SNRPG: variants seen among roughly 807,000 people sequenced by gnomAD.
SNRPG encodes small nuclear ribonucleoprotein polypeptide G.
Under a neutral mutation model 13.9 loss-of-function variants are expected in SNRPG, and 3 were observed. That is an observed-to-expected ratio of 0.22 (90% confidence interval 0.10 to 0.56). The LOEUF is 0.56. SNRPG is among the 20% of genes least tolerant of loss of function. The pLI is 0.93. For synonymous variants in SNRPG, 29 were observed against 29.3 expected (o/e 0.99, Z 0.03); for missense variants, 34 against 96.1 (o/e 0.35, Z 2.70).
intron 3 of SNRPG, among the ~76,000 whole-genome samples, chr2:70,286,196 G>A (rs1419556549): frequency 1.3e-5 from 2 of 152,124 alleles, no homozygotes; most frequent in South Asian, 4.1e-4. Context: ...TCGAAGTGCT[G>A]GGATTATAGA....
chr2:70,286,994 C>T (rs1307392105), intron 3 of SNRPG, among the ~76,000 whole-genome samples: 2 of 152,114 alleles, frequency 1.3e-5, no homozygotes, highest in Non-Finnish European at 2.9e-5. Context: ...AGGGAATATA[C>T]CTGAAAGACA....
At position 70,287,930 on chromosome 2, in the gene SNRPG, C is replaced by T. The variant is rs909596630; in HGVS notation, c.180+138G>A. ...GATATTACTACAGCTGAGTAACTGCCGTATGCAACTAAAAAGGAGATGGAA... is the reference window on the plus strand; with the variant it reads ...GATATTACTACAGCTGAGTAACTGCTGTATGCAACTAAAAAGGAGATGGAA... On this transcript the variant is annotated intron_variant, in intron 3 of 3. Transcript: ENST00000272348. 64 of 647,970 alleles carry T rather than the reference C, an allele frequency of 9.9e-5. 1 individual carries two copies. Among genetic ancestry groups the T allele is most frequent in the African/African-American group, 8.4e-4 (23 of 27,478 alleles). 40.1% of individuals were successfully genotyped at this position (647,970 alleles called of 1,614,324 possible). A position where few individuals can be genotyped will look rare whatever the true frequency, so the allele number is the denominator to read the frequency against.
At chr2:70,292,820 G>A (rs936422915) in intron 1 of SNRPG, 1 of 289,548 alleles carries the variant, frequency 3.5e-6, no homozygotes, top group Non-Finnish European at 6.6e-6. Flanking sequence ...TCCAGCATCA[G>A]GAAGTATAAG....
chr2:70,293,275 A>C, intron 1 of SNRPG: 1 of 698,146 alleles, frequency 1.4e-6, no homozygotes, highest in Non-Finnish European at 2.6e-6. Context: ...CTAGCCGTCT[A>C]TCTAGAACAT....
intron 3 of SNRPG, chr2:70,287,288 T>G (rs1696966409): frequency 1.4e-6 from 1 of 702,684 alleles, no homozygotes; most frequent in African/African-American, 1.7e-5. Flanking sequence ...TCTTTATGCT[T>G]AATAATTTGC....
At chr2:70,293,373 G>A (rs1011265437) in intron 1 of SNRPG, 7 of 627,732 alleles carry the variant, frequency 1.1e-5, no homozygotes, top group Non-Finnish European at 2.0e-5. Flanking sequence ...GCCAGACCGC[G>A]GGACCTGGAG....
chr2:70,293,722 C>A lies in SNRPG; in HGVS notation c.-73G>T. On this transcript the variant is annotated 5_prime_UTR_variant, in exon 1 of 4. Transcript: ENST00000272348. ...CTTTCCTCACGCTCCCGCTGTAGGC[C>A]CGGCGTCTTGCGTCTGGCGTCATCG... The A allele has an allele frequency of 6.9e-7, 1 of 1,445,942 alleles. No homozygotes were observed. Among genetic ancestry groups the A allele is most frequent in the Non-Finnish European group, 9.7e-7 (1 of 1,026,844 alleles). The allele number at this position is 1,445,942 out of a possible 1,614,324, so 89.6% of individuals were successfully genotyped here.
At chr2:70,285,616 G>A (rs1696923329) in intron 3 of SNRPG, among the ~76,000 whole-genome samples, 1 of 151,982 alleles carries the variant, frequency 6.6e-6, no homozygotes. Flanking sequence ...TTGTGCATAG[G>A]GTTCACTACT....
At chr2:70,292,048 C>G (rs749422824) in intron 1 of SNRPG, among the ~76,000 whole-genome samples, 1 of 148,796 alleles carries the variant, frequency 6.7e-6, no homozygotes, top group Admixed American at 6.7e-5. Context: ...CCCGGGTTCA[C>G]GCCATTCTCC....
intron 1 of SNRPG, among the ~76,000 whole-genome samples, chr2:70,289,582 C>T (rs750139494): frequency 1.3e-5 from 2 of 152,098 alleles, no homozygotes; most frequent in Non-Finnish European, 2.9e-5. Flanking sequence ...GGGGCTGAGG[C>T]GGGTGGACTG....
intron 1 of SNRPG, among the ~76,000 whole-genome samples, chr2:70,290,120 C>T (rs1697046558): frequency 6.6e-6 from 1 of 151,006 alleles, no homozygotes; most frequent in African/African-American, 2.4e-5. Flanking sequence ...GCTGGGATTA[C>T]ACAGGCATGA....
At chr2:70,282,812 T>C (rs1432535939) in intron 3 of SNRPG, among the ~76,000 whole-genome samples, 4 of 151,972 alleles carry the variant, frequency 2.6e-5, no homozygotes, top group Non-Finnish European at 4.4e-5. Context: ...AGAATATTTA[T>C]CGGGGGTGTG....
intron 3 of SNRPG, chr2:70,287,813 C>T: frequency 2.0e-6 from 1 of 505,866 alleles, no homozygotes; most frequent in Non-Finnish European, 3.5e-6. Context: ...GCCTCTATTG[C>T]AGAATAAAGC....
rs111768151 is a variant in SNRPG, at chr2:70,289,409, T to G, written c.33-37A>C. 2,404 of 1,160,638 alleles carry G rather than the reference T, an allele frequency of 2.1e-3. 46 individuals are homozygous for G. In the African/African-American group the frequency reaches 0.033, roughly 16 times the overall value. 71.9% of individuals were successfully genotyped at this position (1,160,638 alleles called of 1,614,324 possible). On this transcript the variant is annotated intron_variant, in intron 1 of 3. Transcript: ENST00000272348. ...AAAGGGTAAAGATTATATAACCAAT[T>G]AAAAAAATTTAAGCATAAACAAGTA...
At position 70,293,661 on chromosome 2, in the gene SNRPG, C is replaced by T; in HGVS notation, c.-12G>A. 1 of 1,613,970 alleles carries T rather than the reference C, an allele frequency of 6.2e-7. No individual in the cohort carries two copies. The highest frequency in any genetic ancestry group is 8.5e-7 in the Non-Finnish European group (1 of 1,179,824). On this transcript the variant is annotated 5_prime_UTR_variant, in exon 1 of 4. Transcript: ENST00000272348. ...TGAGCTTTGCTCATGGTGTATACTC[C>T]GCGGGCTCACAGATGCCTTGGAACG... is the stretch of plus-strand genomic sequence containing the variant.
At chr2:70,290,254 A>T (rs1056921262) in intron 1 of SNRPG, among the ~76,000 whole-genome samples, 2 of 152,170 alleles carry the variant, frequency 1.3e-5, no homozygotes, top group Non-Finnish European at 1.5e-5. Context: ...AGCAAACAGT[A>T]ATCAAATCAT....
chr2:70,290,936 G>A (rs1262277528), intron 1 of SNRPG, among the ~76,000 whole-genome samples: 4 of 149,294 alleles, frequency 2.7e-5, no homozygotes. Flanking sequence ...GCTTGAACCC[G>A]GGAGGCACAG....
intron 1 of SNRPG, among the ~76,000 whole-genome samples, chr2:70,289,653 A>G (rs983897707): frequency 9.2e-5 from 14 of 152,246 alleles, no homozygotes; most frequent in Non-Finnish European, 1.5e-4. Flanking sequence ...TCTACCAAAA[A>G]TACAAAAATT....
intron 3 of SNRPG, chr2:70,287,188 AG>A (rs779422631): frequency 9.7e-6 from 6 of 621,480 alleles, no homozygotes; most frequent in Admixed American, 2.8e-5. Flanking sequence ...ATGTCAAAAT[AG>A]GTCTATCTTC....
Sources: gnomAD v4.1 joint callset for allele counts (sites outside exome capture counted in the v4.1 genomes callset) on GRCh38, gnomAD v4.1.1 for gene constraint, MANE v1.5 for transcripts, NCBI Gene and HGNC (gene_info 2026-07-23, HGNC 2026-07-21) for gene names.